KLHL29: variants seen among roughly 807,000 people sequenced by gnomAD.
KLHL29 encodes the protein kelch like family member 29.
A neutral mutation model predicts 80.4 loss-of-function variants in KLHL29; 21 were observed. The observed-to-expected ratio is 0.26, with a 90% CI of 0.19 to 0.38. KLHL29 has a LOEUF of 0.38. Ranked by LOEUF, KLHL29 falls within the 10% of genes least tolerant of loss-of-function variation. The pLI is 1.00. For synonymous variants in KLHL29, 511 were observed against 526.8 expected, an observed-to-expected ratio of 0.97 and a Z score of 0.41; for missense variants, 867 against 1,223.9, an observed-to-expected ratio of 0.71 and a Z score of 4.35.
intron 3 of KLHL29, among the ~76,000 whole-genome samples, chr2:23,574,397 C>T (rs904618516): frequency 6.6e-6 from 1 of 152,164 alleles, no homozygotes; most frequent in Non-Finnish European, 1.5e-5. Flanking sequence ...AGACTGTTTC[C>T]TTATCTACAA....
chr2:23,418,633 G>T (rs60570337), intron 1 of KLHL29, among the ~76,000 whole-genome samples: 1 of 152,000 alleles, frequency 6.6e-6, no homozygotes, highest in Non-Finnish European at 1.5e-5. Flanking sequence ...AACAGTAACC[G>T]GGGGAGGGTA....
intron 3 of KLHL29, among the ~76,000 whole-genome samples, chr2:23,600,202 C>T (rs1668535060): frequency 6.6e-6 from 1 of 152,190 alleles, no homozygotes; most frequent in Non-Finnish European, 1.5e-5. Context: ...TAAAAGGTTG[C>T]AGTGACAATA....
In KLHL29 at chr2:23,453,314, A is replaced by G. The variant is rs902080149; in HGVS notation, c.-153-22246A>G. Among the ~76,000 whole-genome samples the G allele has an allele frequency of 3.9e-5, 6 of 152,212 alleles. No homozygotes were observed. In the South Asian group the frequency reaches 8.3e-4, roughly 21 times the overall value. ...CTGTGTCTTCTTCTGCCCGGGAACT[A>G]CCTGTCCTGTGTGACAGAAAAATGC... On this transcript the variant is annotated intron_variant, in intron 1 of 13. Transcript: ENST00000486442.
intron 3 of KLHL29, among the ~76,000 whole-genome samples, chr2:23,610,712 GC>G (rs1668837263): frequency 6.6e-6 from 1 of 152,236 alleles, no homozygotes; most frequent in Admixed American, 6.5e-5. Context: ...GAAATGCTAT[GC>G]AGAAAGCCTG....
chr2:23,543,684 G>A (rs1666905350), intron 2 of KLHL29, among the ~76,000 whole-genome samples: 1 of 152,234 alleles, frequency 6.6e-6, no homozygotes, highest in Non-Finnish European at 1.5e-5. Flanking sequence ...TGGGACGGCT[G>A]GAGCTTCAAA....
rs1558420562 is a variant in KLHL29 at position 23,642,359 on chromosome 2, CGGT to C, written c.452_454del (p.Val151del). On this transcript the variant is annotated inframe_deletion, in exon 5 of 14. Transcript: ENST00000486442. The stretch of plus-strand genomic sequence containing the variant: ...GCAGGCACAGGGCCATGGGTGACCA[CGGT>C]GGCCGCCGGGAACCAGCCCACCCTG... The C allele has an allele frequency of 7.0e-7, 1 of 1,435,074 alleles. No homozygotes were observed. The highest frequency in any genetic ancestry group is 2.5e-5 in the East Asian group (1 of 39,508). 88.9% of individuals were successfully genotyped at this position (1,435,074 alleles called of 1,614,324 possible). A position where few individuals can be genotyped will look rare whatever the true frequency, so the allele number is the denominator to read the frequency against.
chr2:23,704,006 G>A (rs1440714734), intron 13 of KLHL29, 143 bp downstream of exon 13: 1 of 1,015,486 alleles, frequency 9.8e-7, no homozygotes, highest in Non-Finnish European at 1.4e-6. Flanking sequence ...CCACAGGAGT[G>A]GGCATTAGCC....
At chr2:23,638,119 A>G (rs1669668920) in intron 3 of KLHL29, among the ~76,000 whole-genome samples, 1 of 149,784 alleles carries the variant, frequency 6.7e-6, no homozygotes, top group Non-Finnish European at 1.5e-5. Flanking sequence ...ACAGAAAAGT[A>G]TAGACAATAA....
At chr2:23,429,566 A>G (rs1663111389) in intron 1 of KLHL29, among the ~76,000 whole-genome samples, 1 of 152,200 alleles carries the variant, frequency 6.6e-6, no homozygotes, top group African/African-American at 2.4e-5. Context: ...CAGCCTGGCC[A>G]ACATGGTGAA....
chr2:23,594,405 G>A (rs954435489), intron 3 of KLHL29, among the ~76,000 whole-genome samples: 8 of 152,036 alleles, frequency 5.3e-5, no homozygotes, highest in Non-Finnish European at 1.0e-4. Flanking sequence ...GGGACATTTC[G>A]TTCCTCCTGG....
intron 1 of KLHL29, among the ~76,000 whole-genome samples, chr2:23,452,912 CCA>C (rs1553325471): frequency 8.7e-5 from 13 of 150,070 alleles, no homozygotes; most frequent in Non-Finnish European, 1.3e-4. Flanking sequence ...ACCCCCCCGC[CCA>C]CACACACACA....
intron 2 of KLHL29, among the ~76,000 whole-genome samples, chr2:23,541,955 C>G (rs1666850371): frequency 6.6e-6 from 1 of 152,082 alleles, no homozygotes; most frequent in Admixed American, 6.5e-5. Flanking sequence ...CTCAAACTGT[C>G]TAGAAAACTG....
intron 3 of KLHL29, among the ~76,000 whole-genome samples, chr2:23,633,059 A>G (rs1669510902): frequency 6.6e-6 from 1 of 152,236 alleles, no homozygotes; most frequent in Non-Finnish European, 1.5e-5. Flanking sequence ...AGGAGCCATC[A>G]GAACCCAGGG....
intron 1 of KLHL29, among the ~76,000 whole-genome samples, chr2:23,463,563 T>C (rs148910456): frequency 6.6e-6 from 1 of 152,310 alleles, no homozygotes; most frequent in East Asian, 1.9e-4. Context: ...AGTGGCTGTT[T>C]GGTAGCCTAT....
Position 23,682,251 on chromosome 2 carries a change from C to T in KLHL29, c.941-2148C>T, listed in dbSNP as rs1331723316. On this transcript the variant is annotated intron_variant, in intron 5 of 13. Coordinates refer to ENST00000486442, the MANE Select transcript of KLHL29 (RefSeq NM_052920.2). The surrounding 1 kb of genome is among the most constrained non-coding windows in gnomAD (Gnocchi z 4.1). ...TCACCATCAGCAGCACTGCACACTC[C>T]CACCCGCTGAGCGCTCCCTGTGTGC... 6.6e-6 allele frequency among the ~76,000 whole-genome samples: 1 copy of T among 152,214 alleles called. No individual in the cohort carries two copies. The highest frequency in any genetic ancestry group is 1.5e-5 in the Non-Finnish European group (1 of 68,048).
intron 11 of KLHL29, among the ~76,000 whole-genome samples, chr2:23,701,274 A>G (rs1672349842): frequency 6.6e-6 from 1 of 152,086 alleles, no homozygotes; most frequent in African/African-American, 2.4e-5. Flanking sequence ...GGTCCAAGCC[A>G]CTGTCGCATC....
chr2:23,550,471 G>A (rs570026278), intron 2 of KLHL29, among the ~76,000 whole-genome samples: 11 of 152,286 alleles, frequency 7.2e-5, no homozygotes, highest in Admixed American at 5.9e-4. Flanking sequence ...AGTGGCTGTC[G>A]GTTTTGCATT....
At chr2:23,635,579 G>C (rs1669587074) in intron 3 of KLHL29, among the ~76,000 whole-genome samples, 1 of 152,214 alleles carries the variant, frequency 6.6e-6, no homozygotes, top group South Asian at 2.1e-4. Flanking sequence ...GCTGTCAGCT[G>C]CCATAAAACT....
chr2:23,671,096 C>T (rs2149176523), intron 5 of KLHL29, among the ~76,000 whole-genome samples: 1 of 150,808 alleles, frequency 6.6e-6, no homozygotes, highest in African/African-American at 2.4e-5. Context: ...CTGTCATTAG[C>T]TCCTGGCATC....
Sources: gnomAD v4.1 joint callset for allele counts (sites outside exome capture counted in the v4.1 genomes callset) on GRCh38, gnomAD v4.1.1 for gene constraint, Gnocchi (gnomAD v3.1) non-coding constraint, MANE v1.5 for transcripts, NCBI Gene and HGNC (gene_info 2026-07-23, HGNC 2026-07-21) for gene names.